Variants in TMCO4 observed in about 807,000 individuals in gnomAD.
The protein encoded by TMCO4 is transmembrane and coiled-coil domains 4, also known as transmembrane and coiled-coil domain-containing protein 4.
TMCO4 carries 58 observed loss-of-function variants against 64.7 expected under a neutral mutation model. The observed-to-expected ratio is 0.90, with a 90% confidence interval of 0.73 to 1.12. The LOEUF is 1.12. Among genes scored for constraint, TMCO4 ranks in the 50% most tolerant of loss-of-function variants. The pLI is 0.00. For missense variants in TMCO4, 780 were observed against 825.9 expected (o/e 0.94, Z 0.68); for synonymous variants, 325 against 346.1 (o/e 0.94, Z 0.68).
chr1:19,705,873 G>A (rs192976991), intron 13 of TMCO4, among the ~76,000 whole-genome samples: 5 of 152,040 alleles, frequency 3.3e-5, no homozygotes, highest in African/African-American at 7.2e-5. Flanking sequence ...GGTAAACTAC[G>A]GAAAATCCTC....
intron 2 of TMCO4, among the ~76,000 whole-genome samples, chr1:19,796,972 C>T (rs1206222445): frequency 6.6e-6 from 1 of 152,236 alleles, no homozygotes; most frequent in Non-Finnish European, 1.5e-5. Flanking sequence ...AAGGCAGTGG[C>T]TTTTGGGTCA....
At chr1:19,703,892 C>G (rs532751816) in intron 13 of TMCO4, among the ~76,000 whole-genome samples, 1 of 152,306 alleles carries the variant, frequency 6.6e-6, no homozygotes, top group Non-Finnish European at 1.5e-5. Flanking sequence ...CAGGAAGCCG[C>G]ACACTCAGTT....
In TMCO4 at chr1:19,739,964, G is replaced by A. The variant is rs758653993; in HGVS notation, c.1043-4C>T. 1 of 1,611,864 alleles carries A rather than the reference G, an allele frequency of 6.2e-7. No homozygotes were observed. Among genetic ancestry groups the A allele is most frequent in the Non-Finnish European group, 8.5e-7 (1 of 1,179,044 alleles). On this transcript the variant is annotated splice_region_variant and splice_polypyrimidine_tract_variant and intron_variant, in intron 11 of 15. Transcript: ENST00000294543. ...CAGGTCAGGGCAGCCACAATGCCTG[G>A]GGAGGTGAGATAGTGATGAAGGGAA...
At chr1:19,748,580 T>C (rs2100896624) in intron 7 of TMCO4, among the ~76,000 whole-genome samples, 1 of 152,270 alleles carries the variant, frequency 6.6e-6, no homozygotes, top group East Asian at 1.9e-4. Flanking sequence ...AACCCAGCAC[T>C]TTGGGAGGCC....
At chr1:19,786,889 C>A (rs1053842124) in intron 3 of TMCO4, 137 bp downstream of exon 3, 6 of 152,104 alleles carry the variant, frequency 3.9e-5, no homozygotes, top group Non-Finnish European at 8.8e-5. Flanking sequence ...ACAGTGGTGA[C>A]TAAGACAGGC....
At position 19,716,165 on chromosome 1, in the gene TMCO4, T is replaced by TTTATTATTATTATTA. The variant is rs35582165; in HGVS notation, c.1265-15295_1265-15281dup. ...GACCTCTTCTCTATTTTATTTTTATTTTATTATTATTATTATTATTAATTT... is the reference window on the plus strand; with the variant it reads ...GACCTCTTCTCTATTTTATTTTTATTTTATTATTATTATTATTATTATTATTATTATTATTAATTT... On this transcript the variant is annotated intron_variant, in intron 13 of 15. Coordinates refer to ENST00000294543, the MANE Select transcript of TMCO4 (RefSeq NM_181719.7). Among the ~76,000 whole-genome samples, 111 of 144,904 alleles carry TTTATTATTATTATTA rather than the reference T, an allele frequency of 7.7e-4. 1 individual carries two copies. Among genetic ancestry groups the TTTATTATTATTATTA allele is most frequent in the East Asian group, 5.4e-3 (27 of 5,000 alleles).
At chr1:19,753,332 G>A (rs913276550) in intron 7 of TMCO4, among the ~76,000 whole-genome samples, 10 of 152,302 alleles carry the variant, frequency 6.6e-5, no homozygotes, top group Middle Eastern at 3.4e-3. Flanking sequence ...CCAAGCACGG[G>A]TCCCAGCTTT....
chr1:19,752,937 ATCTT>A (rs761529460), intron 7 of TMCO4, among the ~76,000 whole-genome samples: 1 of 151,286 alleles, frequency 6.6e-6, no homozygotes, highest in Middle Eastern at 3.2e-3. Context: ...TGTGAGCGGT[ATCTT>A]TCTTTCTTTA....
intron 13 of TMCO4, among the ~76,000 whole-genome samples, chr1:19,731,210 A>G (rs2095428444): frequency 6.6e-6 from 1 of 152,132 alleles, no homozygotes; most frequent in Admixed American, 6.5e-5. Context: ...TGGAAACTGG[A>G]GGTTCTGACC....
intron 3 of TMCO4, among the ~76,000 whole-genome samples, chr1:19,786,185 A>AATT (rs2043734839): frequency 6.6e-6 from 1 of 152,220 alleles, no homozygotes; most frequent in African/African-American, 2.4e-5. Flanking sequence ...GAGTCTGAGG[A>AATT]ATTTGAGGCT....
intron 13 of TMCO4, among the ~76,000 whole-genome samples, chr1:19,725,783 A>C (rs2100762556): frequency 6.6e-6 from 1 of 152,226 alleles, no homozygotes; most frequent in East Asian, 1.9e-4. Flanking sequence ...TTGAGTGGGC[A>C]GAGTCGTTAC....
At position 19,726,296 on chromosome 1, in the gene TMCO4, G is replaced by C. The variant is rs147799355; in HGVS notation, c.1264+11076C>G. 1.6e-3 allele frequency among the ~76,000 whole-genome samples: 243 copies of C among 152,272 alleles called. 1 individual carries two copies. Among genetic ancestry groups the C allele is most frequent in the Non-Finnish European group, 2.9e-3 (196 of 68,022 alleles). ...CAGCTGAACACAGTGCCATGACCCA[G>C]GTGTGGGTGATGGCCCTGGGTGTGA... On this transcript the variant is annotated intron_variant, in intron 13 of 15. Transcript: ENST00000294543.
chr1:19,720,075 G>A lies in TMCO4; in HGVS notation c.1264+17297C>T, dbSNP rs144759025. On this transcript the variant is annotated intron_variant, in intron 13 of 15. Coordinates refer to ENST00000294543, the MANE Select transcript of TMCO4 (RefSeq NM_181719.7). Reference sequence around the variant, plus strand: ...GTCCAGGCTGGTCTTAAACTCCTAGGCTCAAGCGATCAATCCTCCTGCCTT... The same window carrying A: ...GTCCAGGCTGGTCTTAAACTCCTAGACTCAAGCGATCAATCCTCCTGCCTT... Among the ~76,000 whole-genome samples, 443 of 143,380 alleles carry A rather than the reference G, an allele frequency of 3.1e-3. 1 individual carries two copies. The highest frequency in any genetic ancestry group is 0.01 in the African/African-American group (394 of 38,684). 94.1% of individuals were successfully genotyped at this position (143,380 alleles called of 152,430 possible).
intron 13 of TMCO4, among the ~76,000 whole-genome samples, chr1:19,723,008 G>A (rs1412938734): frequency 6.6e-6 from 1 of 152,172 alleles, no homozygotes; most frequent in Non-Finnish European, 1.5e-5. Flanking sequence ...TAGTGGGCAG[G>A]TTGCTGTACA....
At position 19,788,586 on chromosome 1, in the gene TMCO4, C is replaced by T. The variant is rs2101113552; in HGVS notation, c.-100-1469G>A. On this transcript the variant is annotated intron_variant, in intron 2 of 15. Transcript: ENST00000294543. ...AAAAATAATTTAAAATTACAACATGCTGCACTGGTGACAATCCGTTTTGTG... is the reference window on the plus strand; with the variant it reads ...AAAAATAATTTAAAATTACAACATGTTGCACTGGTGACAATCCGTTTTGTG... Among the ~76,000 whole-genome samples the T allele has an allele frequency of 2.0e-5, 3 of 152,260 alleles. No homozygotes were observed. The South Asian group carries it at 6.2e-4, about 32-fold the overall frequency.
At chr1:19,691,824 AC>A (rs2095197198) in intron 15 of TMCO4, among the ~76,000 whole-genome samples, 1 of 152,304 alleles carries the variant, frequency 6.6e-6, no homozygotes, top group South Asian at 2.1e-4. Context: ...TGTGGGAGGG[AC>A]CCAGTGGGAG....
chr1:19,725,507 C>T (rs1209597599), intron 13 of TMCO4, among the ~76,000 whole-genome samples: 1 of 152,118 alleles, frequency 6.6e-6, no homozygotes, highest in Non-Finnish European at 1.5e-5. Context: ...GATGAATGCC[C>T]CCTTGTGATC....
chr1:19,723,196 G>A lies in TMCO4; in HGVS notation c.1264+14176C>T, dbSNP rs1430147768. On this transcript the variant is annotated intron_variant, in intron 13 of 15. Coordinates refer to ENST00000294543, the MANE Select transcript of TMCO4 (RefSeq NM_181719.7). ...CTTATTGGTTGAGCATCCCAAATCC[G>A]AAAATCTGAAATGCTGCATTGAGCA... Among the ~76,000 whole-genome samples the A allele has an allele frequency of 4.6e-5, 7 of 152,186 alleles. No homozygotes were observed. In the East Asian group the frequency reaches 1.2e-3, roughly 25 times the overall value.
intron 15 of TMCO4, among the ~76,000 whole-genome samples, chr1:19,691,585 G>T (rs1053667218): frequency 2.6e-5 from 4 of 152,160 alleles, no homozygotes; most frequent in Non-Finnish European, 4.4e-5. Context: ...TAGCTTCATT[G>T]GCCATTGAGA....
Sources: gnomAD v4.1 joint callset for allele counts (sites outside exome capture counted in the v4.1 genomes callset) on GRCh38, gnomAD v4.1.1 for gene constraint, MANE v1.5 for transcripts, NCBI Gene and HGNC (gene_info 2026-07-23, HGNC 2026-07-21) for gene names.